TRAPPC10: variants seen among roughly 807,000 people sequenced by gnomAD.
TRAPPC10 encodes trafficking protein particle complex subunit 10, also known as TRAPP 130 kDa subunit.
A neutral mutation model predicts 125.5 loss-of-function variants in TRAPPC10; 23 were observed. That is an observed-to-expected ratio of 0.18 (90% CI 0.13 to 0.26). The LOEUF is 0.26. Among genes scored for constraint, TRAPPC10 ranks in the 10% least tolerant of loss-of-function variants. TRAPPC10 has a pLI of 1.00. For missense variants in TRAPPC10, 1,123 were observed against 1,308.4 expected (o/e 0.86, Z 2.19); for synonymous variants, 509 against 518.0 (o/e 0.98, Z 0.24).
chr21:44,020,125 CTTT>C (rs113935496), intron 1 of TRAPPC10, among the ~76,000 whole-genome samples: 4 of 139,608 alleles, frequency 2.9e-5, no homozygotes, highest in African/African-American at 2.6e-5. Flanking sequence ...CTTTTCTTTT[CTTT>C]TTTTTTTTTT....
At chr21:44,093,743 G>A (rs1274864257) in intron 19 of TRAPPC10, among the ~76,000 whole-genome samples, 1 of 152,124 alleles carries the variant, frequency 6.6e-6, no homozygotes, top group East Asian at 1.9e-4. Context: ...GGGCGACAAA[G>A]CGAGACTCCA....
rs946303210 is a variant in TRAPPC10 at position 44,063,831 on chromosome 21, G to T, written c.1038+46G>T. 2 of 1,582,840 alleles carry T rather than the reference G, an allele frequency of 1.3e-6. No individual in the cohort carries two copies. Among genetic ancestry groups the T allele is most frequent in the Non-Finnish European group, 8.6e-7 (1 of 1,164,898 alleles). Reference sequence around the variant, plus strand: ...ATTTACCCGTTTCTTGATTGTTCCAGCAGAAATCTCTGAACCTTGAGATCC... The same window carrying T: ...ATTTACCCGTTTCTTGATTGTTCCATCAGAAATCTCTGAACCTTGAGATCC... On this transcript the variant is annotated intron_variant, in intron 7 of 22. Coordinates refer to ENST00000291574, the MANE Select transcript of TRAPPC10 (RefSeq NM_003274.5). This position sits in a 1 kb window ranked among gnomAD's most constrained non-coding sequence, Gnocchi z 4.4.
At chr21:44,021,295 G>A (rs974871677) in intron 1 of TRAPPC10, among the ~76,000 whole-genome samples, 2 of 152,060 alleles carry the variant, frequency 1.3e-5, no homozygotes, top group African/African-American at 4.8e-5. Flanking sequence ...GAAGGGGCTT[G>A]GGTTATGTCA....
At chr21:44,029,733 G>A (rs2033408920) in intron 1 of TRAPPC10, among the ~76,000 whole-genome samples, 2 of 152,176 alleles carry the variant, frequency 1.3e-5, no homozygotes, top group Admixed American at 6.6e-5. Context: ...GGGCCTTCCT[G>A]CGTTCCTTCT....
chr21:44,055,968 C>G lies in TRAPPC10; in HGVS notation c.678+75C>G, dbSNP rs527643556. 7.1e-4 allele frequency: 938 copies of G among 1,321,126 alleles called. 2 individuals are homozygous for G. Among genetic ancestry groups the G allele is most frequent in the Middle Eastern group, 1.8e-3 (9 of 5,068 alleles). The allele number at this position is 1,321,126 out of a possible 1,614,324, so 81.8% of individuals were successfully genotyped here. ...TTGTTCCCTCCCTCTCTCCTCCTTT[C>G]TTTCTAAGTAAGGCACCTCTCGTGG... On this transcript the variant is annotated intron_variant, in intron 5 of 22. Coordinates refer to ENST00000291574, the MANE Select transcript of TRAPPC10 (RefSeq NM_003274.5).
intron 3 of TRAPPC10, among the ~76,000 whole-genome samples, chr21:44,048,772 G>A (rs1391381604): frequency 6.6e-6 from 1 of 150,574 alleles, no homozygotes; most frequent in Non-Finnish European, 1.5e-5. Context: ...GAGATTACAG[G>A]TGTGAGCCAC....
chr21:44,050,589 G>T (rs1418847239), intron 3 of TRAPPC10, among the ~76,000 whole-genome samples: 1 of 152,190 alleles, frequency 6.6e-6, no homozygotes, highest in African/African-American at 2.4e-5. Flanking sequence ...GGCATGGCGT[G>T]TTGGGGCTTC....
chr21:44,055,726 G>T lies in TRAPPC10; in HGVS notation c.511G>T (p.Asp171Tyr). The T allele has an allele frequency of 6.2e-7, 1 of 1,611,080 alleles. No individual in the cohort carries two copies. Among genetic ancestry groups the T allele is most frequent in the Non-Finnish European group, 8.5e-7 (1 of 1,177,562 alleles). ...TGTTGTGCTCTCCGACCCCTTGAAG[G>T]ACTCTTCTCGAACTCAGGAATCCTG... ...RCVVLSDPLK[D>Y]SSRTQESWNA... The change falls in exon 5 of 23, where the codon GAC becomes TAC. Residue 171 changes from aspartate to tyrosine, a missense_variant. Physicochemically the swap from Asp to Tyr is radical, Grantham distance 160. Around this residue, in one of 4 missense-constraint regions of TRAPPC10, gnomAD observed 177 missense variants for 228.9 expected, o/e 0.77. Transcript: ENST00000291574.
At chr21:44,058,305 C>A (rs1219827747) in intron 5 of TRAPPC10, among the ~76,000 whole-genome samples, 2 of 151,118 alleles carry the variant, frequency 1.3e-5, no homozygotes, top group Non-Finnish European at 2.9e-5. Context: ...GGGCAGCGCA[C>A]AGGTCCCGAG....
At chr21:44,017,737 G>GTTTT (rs911795970) in intron 1 of TRAPPC10, among the ~76,000 whole-genome samples, 4 of 146,040 alleles carry the variant, frequency 2.7e-5, no homozygotes, top group Non-Finnish European at 6.1e-5. Context: ...TCTCCCTTTG[G>GTTTT]TTTTTTTTTT....
In TRAPPC10 at chr21:44,031,970, T is replaced by C. The variant is rs879608847; in HGVS notation, c.68-121T>C. The stretch of plus-strand genomic sequence containing the variant: ...GTAGAGGCACAGGTACAGAAGAATC[T>C]TGCGATATCGCTTTACTAAACATAA... On this transcript the variant is annotated intron_variant, in intron 1 of 22. Transcript: ENST00000291574. 5 of 777,702 alleles carry C rather than the reference T, an allele frequency of 6.4e-6. No homozygotes were observed. In the Admixed American group the frequency reaches 1.1e-4, roughly 17 times the overall value. 48.2% of individuals were successfully genotyped at this position (777,702 alleles called of 1,614,324 possible).
rs928101795 is a variant in TRAPPC10 at position 44,087,860 on chromosome 21, G to T, written c.2701G>T (p.Ala901Ser). 1.9e-6 allele frequency: 3 copies of T among 1,614,066 alleles called. No individual in the cohort carries two copies. Among genetic ancestry groups the T allele is most frequent in the Non-Finnish European group, 2.5e-6 (3 of 1,180,032 alleles). The part of the protein sequence containing the change: ...LGGESDMLGM[A>S]EPHRKHKDKQ... ...AGGGGAGAGTGACATGCTGGGGATG[G>T]CAGAGCCCCACAGGAAGCATAAGGA... is the stretch of plus-strand genomic sequence containing the variant. Residue 901 changes from alanine to serine, a missense_variant, in exon 17 of 23, where the codon GCA becomes TCA. Physicochemically the swap from Ala to Ser is moderately conservative, Grantham distance 99 (BLOSUM62 1). Around this residue, in one of 4 missense-constraint regions of TRAPPC10, gnomAD observed 840 missense variants for 902.0 expected, o/e 0.93. Coordinates refer to ENST00000291574, the MANE Select transcript of TRAPPC10 (RefSeq NM_003274.5). This position sits in a 1 kb window ranked among gnomAD's most constrained non-coding sequence, Gnocchi z 4.6.
chr21:44,038,326 G>A (rs1453858597), intron 3 of TRAPPC10, among the ~76,000 whole-genome samples: 2 of 152,042 alleles, frequency 1.3e-5, no homozygotes, highest in Non-Finnish European at 2.9e-5. Flanking sequence ...ACGGCTGCCA[G>A]GCTTAGTCTA....
chr21:44,075,228 T>A, intron 9 of TRAPPC10, 75 bp downstream of exon 9: 1 of 1,098,502 alleles, frequency 9.1e-7, no homozygotes, highest in Non-Finnish European at 1.4e-6. Context: ...TTGGCACATT[T>A]AACCGAAGTT....
At chr21:44,024,973 C>G (rs1458347422) in intron 1 of TRAPPC10, among the ~76,000 whole-genome samples, 2 of 152,328 alleles carry the variant, frequency 1.3e-5, no homozygotes, top group South Asian at 4.1e-4. Context: ...TTCCCCCGGA[C>G]TCCACTCCAC....
chr21:44,012,577 G>A lies in TRAPPC10; in HGVS notation c.67+17G>A, dbSNP rs766788899. ...TCGTCACCTGTGAGTGCCCGGAGGC[G>A]GGGAGGGCGCGGCGGTCGTTGGGCG... On this transcript the variant is annotated intron_variant, in intron 1 of 22. Transcript: ENST00000291574. The A allele has an allele frequency of 2.6e-6, 4 of 1,530,820 alleles. No homozygotes were observed. The African/African-American group carries it at 5.6e-5, about 21-fold the overall frequency. 94.8% of individuals were successfully genotyped at this position (1,530,820 alleles called of 1,614,324 possible). A position where few individuals can be genotyped will look rare whatever the true frequency, so the allele number is the denominator to read the frequency against.
chr21:44,034,944 C>T (rs552446991), intron 2 of TRAPPC10, among the ~76,000 whole-genome samples: 1 of 152,264 alleles, frequency 6.6e-6, no homozygotes, highest in South Asian at 2.1e-4. Context: ...CCCACCCATA[C>T]CTTGATTTCA....
intron 20 of TRAPPC10, among the ~76,000 whole-genome samples, chr21:44,095,389 G>A (rs1291454753): frequency 6.6e-6 from 1 of 151,890 alleles, no homozygotes; most frequent in Non-Finnish European, 1.5e-5. Flanking sequence ...GGGATTACAG[G>A]CATGCACCAC....
chr21:44,051,078 A>G (rs1569168455), intron 3 of TRAPPC10, among the ~76,000 whole-genome samples: 1 of 152,032 alleles, frequency 6.6e-6, no homozygotes. Flanking sequence ...TAATCTTTCC[A>G]TTTTTAGTAG....
Sources: allele counts gnomAD v4.1 joint callset (sites outside exome capture counted in the v4.1 genomes callset), GRCh38; gene constraint gnomAD v4.1.1; regional missense constraint gnomAD v4.1.1; non-coding constraint Gnocchi (gnomAD v3.1); transcripts MANE v1.5; gene names NCBI Gene and HGNC (gene_info 2026-07-23, HGNC 2026-07-21).